The following MGAT4C variants were observed in gnomAD, a reference collection of about 807,000 sequenced individuals.
MGAT4C encodes MGAT4 family member C, also known as alpha-1,3-mannosyl-glycoprotein 4-beta-N-acetylglucosaminyltransferase C.
In MGAT4C, 19 loss-of-function variants were observed where a neutral mutation model predicts 40.1. The observed-to-expected ratio is 0.47, with a 90% confidence interval of 0.33 to 0.70. The LOEUF (loss-of-function observed/expected upper bound fraction) is 0.70, where lower values mean the gene tolerates loss of function less well. Ranked by LOEUF, MGAT4C falls within the 30% of genes least tolerant of loss-of-function variation. The pLI, the probability that MGAT4C is intolerant of heterozygous loss-of-function variation, is 0.02. For missense variants in MGAT4C, 491 were observed against 563.2 expected (o/e 0.87, Z 1.30); for synonymous variants, 181 against 187.1 (o/e 0.97, Z 0.27).
chr12:86,076,413 T>C (rs549466903), intron 1 of MGAT4C, among the ~76,000 whole-genome samples: 115 of 152,330 alleles, frequency 7.5e-4, no homozygotes, highest in Non-Finnish European at 1.4e-3. Context: ...TGTTCCAAGC[T>C]CTGTCTGTTA....
At chr12:86,492,903 A>G (rs11103972) in intron 2 of MGAT4C, among the ~76,000 whole-genome samples, 1 of 152,340 alleles carries the variant, frequency 6.6e-6, no homozygotes, top group East Asian at 1.9e-4. Flanking sequence ...CTCATCTGAC[A>G]AAGGGCTAAT....
chr12:85,968,208 T>C lies in MGAT4C; in HGVS notation c.*11081A>G, dbSNP rs556514225. Reference sequence around the variant, plus strand: ...AAAACTGATAGTTTTTCTCCTTCTTTCTTGAATATGTTTAGTTAATTTTGT... The same window carrying C: ...AAAACTGATAGTTTTTCTCCTTCTTCCTTGAATATGTTTAGTTAATTTTGT... On this transcript the variant is annotated 3_prime_UTR_variant, in exon 5 of 5. Transcript: ENST00000611864. 2 of 152,074 alleles carry C rather than the reference T, an allele frequency of 1.3e-5. No homozygotes were observed. Among genetic ancestry groups the C allele is most frequent in the African/African-American group, 4.8e-5 (2 of 41,432 alleles). The allele number at this position is 152,074 out of a possible 1,614,324, so 9.4% of individuals were successfully genotyped here. A position where few individuals can be genotyped will look rare whatever the true frequency, so the allele number is the denominator to read the frequency against.
At chr12:86,405,462 A>C (rs1038474525) in intron 3 of MGAT4C, among the ~76,000 whole-genome samples, 2 of 152,034 alleles carry the variant, frequency 1.3e-5, no homozygotes, top group Admixed American at 6.6e-5. Context: ...ACTACACAAT[A>C]CTGATAAAAG....
intron 2 of MGAT4C, among the ~76,000 whole-genome samples, chr12:86,509,570 T>A (rs1190718440): frequency 2.6e-5 from 4 of 152,236 alleles, no homozygotes; most frequent in South Asian, 2.1e-4. Context: ...ATATGAACTT[T>A]AAAGTAGTTT....
At chr12:85,988,416 T>A (rs1231464713) in intron 3 of MGAT4C, among the ~76,000 whole-genome samples, 1 of 152,146 alleles carries the variant, frequency 6.6e-6, no homozygotes, top group Non-Finnish European at 1.5e-5. Context: ...AAAGCATTTT[T>A]TTTTGGAAAT....
At chr12:86,530,304 T>G (rs1027921991) in intron 2 of MGAT4C, among the ~76,000 whole-genome samples, 2 of 151,962 alleles carry the variant, frequency 1.3e-5, no homozygotes, top group African/African-American at 4.8e-5. Flanking sequence ...GATTTTTGCT[T>G]ATTTTCTTTC....
intron 1 of MGAT4C, among the ~76,000 whole-genome samples, chr12:86,799,758 C>T (rs1952193320): frequency 6.6e-6 from 1 of 151,472 alleles, no homozygotes. Flanking sequence ...TAGTGTTAAT[C>T]TTTGTAGTTT....
intron 1 of MGAT4C, among the ~76,000 whole-genome samples, chr12:86,246,179 C>CTTTTTTTTTTTT (rs57004605): frequency 8.6e-5 from 6 of 70,130 alleles, no homozygotes; most frequent in Non-Finnish European, 1.5e-4. Context: ...TGTACCATTG[C>CTTTTTTTTTTTT]TTTTTTTTTT....
chr12:86,705,834 G>A (rs1950446646), intron 2 of MGAT4C, among the ~76,000 whole-genome samples: 1 of 152,138 alleles, frequency 6.6e-6, no homozygotes, highest in Non-Finnish European at 1.5e-5. Flanking sequence ...GAAGTCATGG[G>A]ACAGTAGTTC....
At chr12:86,573,101 G>C (rs184119863) in intron 2 of MGAT4C, among the ~76,000 whole-genome samples, 1 of 151,670 alleles carries the variant, frequency 6.6e-6, no homozygotes, top group African/African-American at 2.4e-5. Flanking sequence ...CTGTTACTTC[G>C]ACACCTGTTT....
chr12:86,717,100 T>C (rs1950655579), intron 2 of MGAT4C, among the ~76,000 whole-genome samples: 1 of 152,016 alleles, frequency 6.6e-6, no homozygotes, highest in African/African-American at 2.4e-5. Context: ...GCTCTTTTTT[T>C]GGCCAAAGGA....
At chr12:86,121,386 A>G (rs1399904372) in intron 1 of MGAT4C, among the ~76,000 whole-genome samples, 2 of 152,174 alleles carry the variant, frequency 1.3e-5, no homozygotes, top group Admixed American at 6.5e-5. Flanking sequence ...AATTCAGGAA[A>G]TACAGAGAAC....
intron 1 of MGAT4C, among the ~76,000 whole-genome samples, chr12:86,780,805 CT>C (rs1238090522): frequency 1.3e-5 from 2 of 152,180 alleles, no homozygotes; most frequent in Non-Finnish European, 2.9e-5. Flanking sequence ...CCTCACTCCC[CT>C]CTCACTCTCC....
At chr12:86,459,070 G>A (rs1353390903) in intron 2 of MGAT4C, among the ~76,000 whole-genome samples, 2 of 152,000 alleles carry the variant, frequency 1.3e-5, no homozygotes, top group African/African-American at 4.8e-5. Flanking sequence ...ATATGCTTAT[G>A]AATCATGTAG....
intron 1 of MGAT4C, among the ~76,000 whole-genome samples, chr12:86,079,840 T>A (rs1161679109): frequency 6.6e-6 from 1 of 152,096 alleles, no homozygotes; most frequent in Non-Finnish European, 1.5e-5. Context: ...ACATTAAGAA[T>A]AAAGTGAAAT....
intron 1 of MGAT4C, among the ~76,000 whole-genome samples, chr12:86,203,976 A>G (rs1018353012): frequency 7.2e-6 from 1 of 138,524 alleles, no homozygotes; most frequent in East Asian, 2.1e-4. Context: ...AAAAAAAGAA[A>G]TATATATATA....
intron 2 of MGAT4C, among the ~76,000 whole-genome samples, chr12:86,568,011 G>A (rs1240456770): frequency 6.6e-6 from 1 of 152,102 alleles, no homozygotes; most frequent in Non-Finnish European, 1.5e-5. Flanking sequence ...CTCTTTATTT[G>A]AAGATTATGC....
At chr12:86,512,293 A>G (rs532875273) in intron 2 of MGAT4C, among the ~76,000 whole-genome samples, 2 of 152,260 alleles carry the variant, frequency 1.3e-5, no homozygotes, top group African/African-American at 4.8e-5. Flanking sequence ...CACTGAAAGC[A>G]TTGTACACTA....
At chr12:86,367,909 C>T (rs903034271) in intron 3 of MGAT4C, among the ~76,000 whole-genome samples, 12 of 152,274 alleles carry the variant, frequency 7.9e-5, no homozygotes, top group Admixed American at 3.3e-4. Context: ...TGGCCAGAAG[C>T]GCCTCTCAGG....
Sources: allele counts gnomAD v4.1 joint callset (sites outside exome capture counted in the v4.1 genomes callset), GRCh38; gene constraint gnomAD v4.1.1; transcripts MANE v1.5; gene names NCBI Gene and HGNC (gene_info 2026-07-23, HGNC 2026-07-21).